NKAIN3: variants seen among roughly 807,000 people sequenced by gnomAD.
NKAIN3 encodes sodium/potassium-transporting ATPase subunit beta-1-interacting protein 3.
Under a neutral mutation model 30.2 loss-of-function variants are expected in NKAIN3, and 25 were observed. That is an observed-to-expected ratio of 0.83 (90% CI 0.60 to 1.16). NKAIN3 has a LOEUF of 1.16. Among genes scored for constraint, NKAIN3 ranks in the 50% most tolerant of loss-of-function variants. The pLI, the probability that NKAIN3 is intolerant of heterozygous loss-of-function variation, is 0.00. For missense variants in NKAIN3, 225 were observed against 254.1 expected (o/e 0.89, Z 0.78); for synonymous variants, 91 against 89.6 (o/e 1.02, Z -0.09).
chr8:62,451,428 G>A (rs535589334), intron 1 of NKAIN3, among the ~76,000 whole-genome samples: 1 of 151,734 alleles, frequency 6.6e-6, no homozygotes, highest in South Asian at 2.1e-4. Context: ...AAATGTCGTT[G>A]TCAGATAATG....
chr8:62,555,461 G>A (rs1042491900), intron 1 of NKAIN3, among the ~76,000 whole-genome samples: 6 of 151,956 alleles, frequency 3.9e-5, no homozygotes, highest in African/African-American at 1.2e-4. Flanking sequence ...AGTGGATAGG[G>A]TTAGCAGATT....
intron 3 of NKAIN3, among the ~76,000 whole-genome samples, chr8:62,658,600 A>G (rs1326746399): frequency 6.6e-6 from 1 of 152,206 alleles, no homozygotes; most frequent in African/African-American, 2.4e-5. Flanking sequence ...TAAAATAAGT[A>G]CAGTACTCGT....
chr8:62,951,635 T>G (rs1823287467), intron 5 of NKAIN3, among the ~76,000 whole-genome samples: 1 of 151,612 alleles, frequency 6.6e-6, no homozygotes, highest in Non-Finnish European at 1.5e-5. Context: ...ATTTTTGAAT[T>G]TTTTTTTAAT....
intron 1 of NKAIN3, among the ~76,000 whole-genome samples, chr8:62,408,351 T>C (rs1342173408): frequency 6.6e-6 from 1 of 152,158 alleles, no homozygotes; most frequent in Non-Finnish European, 1.5e-5. Flanking sequence ...TATGTGAATA[T>C]ATACAGCCCT....
intron 4 of NKAIN3, among the ~76,000 whole-genome samples, chr8:62,756,898 T>A (rs374384447): frequency 6.6e-6 from 1 of 152,192 alleles, no homozygotes; most frequent in East Asian, 1.9e-4. Context: ...CTCATGATTA[T>A]CCCAGACAGA....
intron 4 of NKAIN3, chr8:62,856,771 A>T (rs1346022646): frequency 4.6e-6 from 3 of 658,304 alleles, no homozygotes; most frequent in Non-Finnish European, 8.3e-6. Flanking sequence ...GGCTTATCCA[A>T]CTCCTGTAAG....
At chr8:62,557,517 C>G (rs545368000) in intron 1 of NKAIN3, among the ~76,000 whole-genome samples, 39 of 152,268 alleles carry the variant, frequency 2.6e-4, no homozygotes, top group African/African-American at 8.7e-4. Flanking sequence ...AGTTTACATT[C>G]CCACCAGCAG....
intron 1 of NKAIN3, among the ~76,000 whole-genome samples, chr8:62,460,056 G>T (rs1805942286): frequency 6.6e-6 from 1 of 152,150 alleles, no homozygotes; most frequent in Non-Finnish European, 1.5e-5. Context: ...AGAGAATGTG[G>T]TGGGACGCCA....
At chr8:62,789,673 A>C (rs1817639332) in intron 4 of NKAIN3, among the ~76,000 whole-genome samples, 1 of 152,152 alleles carries the variant, frequency 6.6e-6, no homozygotes, top group East Asian at 1.9e-4. Flanking sequence ...ATCAGAGAAT[A>C]CTACAAACAC....
chr8:62,596,703 C>T (rs138265959), intron 3 of NKAIN3, among the ~76,000 whole-genome samples: 1 of 152,064 alleles, frequency 6.6e-6, no homozygotes, highest in Non-Finnish European at 1.5e-5. Context: ...CTGCATACCC[C>T]ACTTTTCAAA....
chr8:62,576,726 A>G (rs1218719915), intron 1 of NKAIN3, among the ~76,000 whole-genome samples: 1 of 152,116 alleles, frequency 6.6e-6, no homozygotes, highest in Non-Finnish European at 1.5e-5. Context: ...TGACCATAGA[A>G]TGGGGAAGGG....
intron 4 of NKAIN3, among the ~76,000 whole-genome samples, chr8:62,808,387 A>G (rs1315241377): frequency 6.6e-6 from 1 of 152,174 alleles, no homozygotes; most frequent in African/African-American, 2.4e-5. Flanking sequence ...TATTTTCTTC[A>G]GTGCATCATC....
At chr8:62,581,710 T>C (rs1320777471) in intron 2 of NKAIN3, among the ~76,000 whole-genome samples, 1 of 152,120 alleles carries the variant, frequency 6.6e-6, no homozygotes, top group East Asian at 1.9e-4. Flanking sequence ...CTTCCTTTTT[T>C]CCTTCCTTTG....
At chr8:62,354,470 C>T (rs1171156228) in intron 1 of NKAIN3, among the ~76,000 whole-genome samples, 3 of 152,028 alleles carry the variant, frequency 2.0e-5, no homozygotes, top group East Asian at 1.9e-4. Context: ...TTTTTTGAGA[C>T]GGAGTCTCTG....
intron 3 of NKAIN3, among the ~76,000 whole-genome samples, chr8:62,735,398 C>T (rs1246166557): frequency 8.2e-6 from 1 of 121,418 alleles, no homozygotes; most frequent in Non-Finnish European, 1.7e-5. Flanking sequence ...TTTTTTTGAG[C>T]TCTGAAGTTC....
chr8:62,382,768 C>T (rs1817316351), intron 1 of NKAIN3, among the ~76,000 whole-genome samples: 1 of 152,090 alleles, frequency 6.6e-6, no homozygotes. Context: ...TGGCTGTTAG[C>T]TCTTTAATTT....
At chr8:62,351,719 C>A (rs1400395470) in intron 1 of NKAIN3, among the ~76,000 whole-genome samples, 4 of 152,112 alleles carry the variant, frequency 2.6e-5, no homozygotes, top group African/African-American at 9.7e-5. Flanking sequence ...CAAATAGCAT[C>A]ATAATATGAA....
intron 4 of NKAIN3, among the ~76,000 whole-genome samples, chr8:62,800,600 A>G (rs1818023319): frequency 6.6e-6 from 1 of 152,198 alleles, no homozygotes; most frequent in African/African-American, 2.4e-5. Context: ...ATTTCGGTAA[A>G]GCCATGTTTT....
chr8:62,826,166 AT>A (rs927960126), intron 4 of NKAIN3, among the ~76,000 whole-genome samples: 1 of 152,138 alleles, frequency 6.6e-6, no homozygotes, highest in Non-Finnish European at 1.5e-5. Context: ...TCTTAGCCTC[AT>A]TTCCTAACTT....
Sources: allele counts gnomAD v4.1 joint callset (sites outside exome capture counted in the v4.1 genomes callset), GRCh38; gene constraint gnomAD v4.1.1; transcripts MANE v1.5; gene names NCBI Gene and HGNC (gene_info 2026-07-23, HGNC 2026-07-21).